The following CRY1 variants were observed in gnomAD, a reference collection of about 807,000 sequenced individuals.
The protein encoded by CRY1 is cryptochrome-1.
Under a neutral mutation model 76.0 loss-of-function variants are expected in CRY1, and 45 were observed. The ratio of observed to expected loss-of-function variants is 0.59; its 90% CI spans 0.47 to 0.76. The LOEUF (loss-of-function observed/expected upper bound fraction) is 0.76, where lower values mean the gene tolerates loss of function less well. CRY1 is among the 30% of genes least tolerant of loss of function. The pLI is 0.00. For missense variants in CRY1, 587 were observed against 716.4 expected (o/e 0.82, Z 2.06); for synonymous variants, 248 against 244.0 (o/e 1.02, Z -0.15).
chr12:107,050,284 G>T (rs1338949968), intron 1 of CRY1: 1 of 152,120 alleles, frequency 6.6e-6, no homozygotes, highest in Non-Finnish European at 1.5e-5. Flanking sequence ...AAAAGGAAGG[G>T]AGAGACAGAA....
chr12:107,017,529 G>A (rs1460021521), intron 2 of CRY1, among the ~76,000 whole-genome samples: 1 of 152,164 alleles, frequency 6.6e-6, no homozygotes, highest in Non-Finnish European at 1.5e-5. Flanking sequence ...CTTTGGTGTT[G>A]GCTGTTGTTT....
intron 10 of CRY1, 140 bp downstream of exon 10, chr12:106,997,154 G>C (rs1952241402): frequency 5.5e-6 from 4 of 728,462 alleles, no homozygotes; most frequent in Non-Finnish European, 9.5e-6. Flanking sequence ...GGGTGCACAT[G>C]TATGCATGCA....
chr12:107,004,142 G>A (rs566719854), intron 3 of CRY1, among the ~76,000 whole-genome samples: 57 of 152,200 alleles, frequency 3.7e-4, no homozygotes, highest in African/African-American at 1.3e-3. Context: ...CTCCCACTTA[G>A]AAGCAACTGC....
rs143268082 is a variant in CRY1 at position 107,040,990 on chromosome 12, T to A, written c.159-18798A>T. ...GTCTTGAACTCTCAGTCTCAAGTGATCTTCCTGCCTCAACCTCCCAAGTGC... is the reference window on the plus strand; with the variant it reads ...GTCTTGAACTCTCAGTCTCAAGTGAACTTCCTGCCTCAACCTCCCAAGTGC... On this transcript the variant is annotated intron_variant, in intron 1 of 12. Coordinates refer to ENST00000008527, the MANE Select transcript of CRY1 (RefSeq NM_004075.5). Among the ~76,000 whole-genome samples the A allele has an allele frequency of 3.4e-3, 516 of 152,110 alleles. 3 individuals are homozygous for A. The highest frequency in any genetic ancestry group is 0.011 in the African/African-American group (467 of 41,500).
intron 1 of CRY1, among the ~76,000 whole-genome samples, chr12:107,069,612 AAAAAG>A (rs1565842751): frequency 1.7e-4 from 8 of 46,322 alleles, no homozygotes; most frequent in South Asian, 7.9e-4. Flanking sequence ...GTATATATAT[AAAAAG>A]TATATATATA....
chr12:107,040,095 G>GA (rs1345341866), intron 1 of CRY1, among the ~76,000 whole-genome samples: 1 of 151,900 alleles, frequency 6.6e-6, no homozygotes, highest in Non-Finnish European at 1.5e-5. Context: ...ATAAGCCAGT[G>GA]AAAAAAGGAC....
chr12:107,080,610 G>C (rs913770944), intron 1 of CRY1, among the ~76,000 whole-genome samples: 1 of 151,774 alleles, frequency 6.6e-6, no homozygotes, highest in Non-Finnish European at 1.5e-5. Flanking sequence ...AAAGCCAAGG[G>C]AAGAAGAGGA....
chr12:107,060,219 C>T (rs1262525066), intron 1 of CRY1, among the ~76,000 whole-genome samples: 1 of 152,200 alleles, frequency 6.6e-6, no homozygotes, highest in Non-Finnish European at 1.5e-5. Context: ...CCAAAAAGCA[C>T]ATGTTAGAAA....
chr12:107,003,246 A>G (rs1952332621), intron 3 of CRY1, among the ~76,000 whole-genome samples: 1 of 152,176 alleles, frequency 6.6e-6, no homozygotes, highest in South Asian at 2.1e-4. Context: ...TAACTCAATC[A>G]ATTATTAATT....
chr12:107,056,415 C>G (rs60528700), intron 1 of CRY1, among the ~76,000 whole-genome samples: 4,072 of 152,252 alleles, frequency 0.027, 68 homozygotes, highest in African/African-American at 0.053. Context: ...TTTAAAGTGC[C>G]CTGCAGTGGT....
At chr12:107,063,325 G>T (rs1476264757) in intron 1 of CRY1, among the ~76,000 whole-genome samples, 2 of 152,080 alleles carry the variant, frequency 1.3e-5, no homozygotes, top group African/African-American at 4.8e-5. Context: ...AAATAAATTT[G>T]GTTTTAAATA....
At chr12:107,082,910 G>A (rs1035962066) in intron 1 of CRY1, among the ~76,000 whole-genome samples, 1 of 151,984 alleles carries the variant, frequency 6.6e-6, no homozygotes, top group Non-Finnish European at 1.5e-5. Context: ...TCCAGGAGCT[G>A]GTTTTTTGAA....
intron 1 of CRY1, among the ~76,000 whole-genome samples, chr12:107,074,813 A>G (rs1953231383): frequency 6.6e-6 from 1 of 152,118 alleles, no homozygotes; most frequent in Non-Finnish European, 1.5e-5. Flanking sequence ...TCAGGAGTTC[A>G]AGAAAAGCCT....
At chr12:107,062,025 C>CAAAAAAAAAAAAAAAAAAAAAAAAAA (rs35683352) in intron 1 of CRY1, among the ~76,000 whole-genome samples, 3 of 93,564 alleles carry the variant, frequency 3.2e-5, no homozygotes, top group African/African-American at 4.7e-5. Flanking sequence ...GACCCTGTCT[C>CAAAAAAAAAAAAAAAAAAAAAAAAAA]AAAAAAAAAA....
chr12:107,019,123 G>T (rs184897127), intron 2 of CRY1, among the ~76,000 whole-genome samples: 229 of 152,258 alleles, frequency 1.5e-3, no homozygotes, highest in Non-Finnish European at 2.3e-3. Flanking sequence ...GCTAGTTAAT[G>T]ACAGAAGAAT....
rs1056554 is a variant in CRY1 at position 107,005,189 on chromosome 12, T to C, written c.327A>G (p.Arg109=). Reference sequence around the variant, plus strand: ...TTGCCAGTTTCTTAATAGCTGCGTCTCGTTCCTTTCCAAAGGGCTCAGAAT... The same window carrying C: ...TTGCCAGTTTCTTAATAGCTGCGTCCCGTTCCTTTCCAAAGGGCTCAGAAT... ...EYDSEPFGKE[R]DAAIKKLATE... The change falls in exon 3 of 13, where the codon CGA becomes CGG. Residue 109 remains arginine (R), a synonymous_variant. Transcript: ENST00000008527. The C allele has an allele frequency of 6.2e-7, 1 of 1,613,738 alleles. No individual in the cohort carries two copies. The highest frequency in any genetic ancestry group is 8.5e-7 in the Non-Finnish European group (1 of 1,179,854).
At chr12:107,075,950 A>T (rs1362264468) in intron 1 of CRY1, among the ~76,000 whole-genome samples, 1 of 152,154 alleles carries the variant, frequency 6.6e-6, no homozygotes, top group Admixed American at 6.6e-5. Context: ...GAACTAGGTG[A>T]ATGTTGACAT....
At position 107,093,047 on chromosome 12, in the gene CRY1, T is replaced by C. The variant is rs1953495026; in HGVS notation, c.-86A>G. Reference sequence around the variant, plus strand: ...CCGACACCTTCGCTTCCAAGAGAATTGCCTCACCCGGGGCGTGAGGAAAGG... The same window carrying C: ...CCGACACCTTCGCTTCCAAGAGAATCGCCTCACCCGGGGCGTGAGGAAAGG... On this transcript the variant is annotated 5_prime_UTR_variant, in exon 1 of 13. Transcript: ENST00000008527. 1 of 1,406,372 alleles carries C rather than the reference T, an allele frequency of 7.1e-7. No individual in the cohort carries two copies. Among genetic ancestry groups the C allele is most frequent in the South Asian group, 1.5e-5 (1 of 66,296 alleles). The allele number at this position is 1,406,372 out of a possible 1,614,324, so 87.1% of individuals were successfully genotyped here.
At position 106,992,986 on chromosome 12, in the gene CRY1, GCTGA is replaced by G. The variant is rs1236270983; in HGVS notation, c.1632_1635del (p.Gln545LysfsTer5). ...TTACCTTGCTTCAACAGGTGAGTTT[GCTGA>G]CTGTCGCCATGAGCATAGTGTAAAA... On this transcript the variant is annotated frameshift_variant, in exon 11 of 13. Coordinates refer to ENST00000008527, the MANE Select transcript of CRY1 (RefSeq NM_004075.5). LOFTEE classifies it high-confidence loss of function. 2 of 1,614,014 alleles carry G rather than the reference GCTGA, an allele frequency of 1.2e-6. No individual in the cohort carries two copies. Among genetic ancestry groups the G allele is most frequent in the East Asian group, 2.2e-5 (1 of 44,868 alleles).
Sources: allele counts gnomAD v4.1 joint callset (sites outside exome capture counted in the v4.1 genomes callset), GRCh38; gene constraint gnomAD v4.1.1; transcripts MANE v1.5; gene names NCBI Gene and HGNC (gene_info 2026-07-23, HGNC 2026-07-21).